The following CTNNA2 variants were observed in gnomAD, a reference collection of about 807,000 sequenced individuals.
The protein encoded by CTNNA2 is catenin alpha 2.
CTNNA2 carries 42 observed loss-of-function variants against 101.0 expected under a neutral mutation model. The ratio of observed to expected loss-of-function variants is 0.42; its 90% CI spans 0.32 to 0.54. The LOEUF (loss-of-function observed/expected upper bound fraction) is 0.54, where lower values mean the gene tolerates loss of function less well. Ranked by LOEUF, CTNNA2 falls within the 20% of genes least tolerant of loss-of-function variation. The pLI is 0.14. For missense variants in CTNNA2, 871 were observed against 1,223.1 expected (o/e 0.71, Z 4.29); for synonymous variants, 450 against 456.4 (o/e 0.99, Z 0.18).
chr2:80,081,241 C>T (rs1368143225), intron 7 of CTNNA2, among the ~76,000 whole-genome samples: 3 of 152,066 alleles, frequency 2.0e-5, no homozygotes, highest in Non-Finnish European at 4.4e-5. Context: ...TTGGTGTTTT[C>T]GCTTAGAGAT....
chr2:79,217,451 G>T (rs1674281174), intron 2 of CTNNA2, among the ~76,000 whole-genome samples: 1 of 152,046 alleles, frequency 6.6e-6, no homozygotes, highest in Non-Finnish European at 1.5e-5. Flanking sequence ...ATAAGATTTG[G>T]GTAGGTAAAG....
chr2:79,843,781 T>C (rs1679998657), intron 3 of CTNNA2, among the ~76,000 whole-genome samples: 1 of 152,166 alleles, frequency 6.6e-6, no homozygotes, highest in Admixed American at 6.6e-5. Context: ...CTTACCACGA[T>C]GAAACACCCT....
At chr2:79,302,199 T>A (rs1008655409) in intron 2 of CTNNA2, among the ~76,000 whole-genome samples, 2 of 152,170 alleles carry the variant, frequency 1.3e-5, no homozygotes, top group African/African-American at 4.8e-5. Flanking sequence ...AAACTCTACA[T>A]CTCTGAGAGT....
intron 7 of CTNNA2, among the ~76,000 whole-genome samples, chr2:80,379,961 G>C (rs942338721): frequency 2.6e-5 from 4 of 151,574 alleles, no homozygotes; most frequent in African/African-American, 9.7e-5. Flanking sequence ...AGCACCCTGA[G>C]GACCTAAGTT....
At chr2:80,372,264 A>G (rs921529993) in intron 7 of CTNNA2, among the ~76,000 whole-genome samples, 23 of 100,888 alleles carry the variant, frequency 2.3e-4, no homozygotes, top group Admixed American at 6.8e-4. Context: ...CCTCTCCACT[A>G]TAACCTTTAC....
At position 79,702,673 on chromosome 2, in the gene CTNNA2, C is replaced by T. The variant is rs921989921; in HGVS notation, c.103-41714C>T. 3.3e-5 allele frequency among the ~76,000 whole-genome samples: 5 copies of T among 152,216 alleles called. No individual in the cohort carries two copies. The East Asian group carries it at 5.8e-4, about 18-fold the overall frequency. On this transcript the variant is annotated intron_variant, in intron 2 of 18. Coordinates refer to ENST00000402739, the MANE Select transcript of CTNNA2 (RefSeq NM_001282597.3). ...TTTCTTGTACTAGGTTCCTGGGAAC[C>T]GCTTTTACCTACAATGATTTTGTTG... is the stretch of plus-strand genomic sequence containing the variant.
intron 2 of CTNNA2, among the ~76,000 whole-genome samples, chr2:79,683,190 C>T (rs1164742607): frequency 6.6e-6 from 1 of 152,184 alleles, no homozygotes; most frequent in Non-Finnish European, 1.5e-5. Context: ...TCCCCTACCC[C>T]TACATGCCAG....
At chr2:79,210,492 G>C (rs1674157902) in intron 2 of CTNNA2, among the ~76,000 whole-genome samples, 1 of 152,104 alleles carries the variant, frequency 6.6e-6, no homozygotes, top group Admixed American at 6.5e-5. Flanking sequence ...CAGTGTGTGT[G>C]AGAGAGGTGA....
chr2:79,261,123 C>A (rs1360333576), intron 2 of CTNNA2, among the ~76,000 whole-genome samples: 1 of 152,074 alleles, frequency 6.6e-6, no homozygotes, highest in African/African-American at 2.4e-5. Flanking sequence ...TGCTCTATCT[C>A]CCAATATCAG....
intron 1 of CTNNA2, among the ~76,000 whole-genome samples, chr2:79,604,529 A>C (rs1188508643): frequency 1.3e-5 from 2 of 152,184 alleles, no homozygotes; most frequent in Non-Finnish European, 2.9e-5. Flanking sequence ...TCAGGACAGA[A>C]TACTGAAGAG....
chr2:79,737,699 T>C (rs1333731255), intron 2 of CTNNA2, among the ~76,000 whole-genome samples: 1 of 152,218 alleles, frequency 6.6e-6, no homozygotes, highest in South Asian at 2.1e-4. Context: ...ATAACACTGA[T>C]GCTCTCCATA....
In CTNNA2 at chr2:79,916,812, C is replaced by T. The variant is rs191300601; in HGVS notation, c.1056+7015C>T. Among the ~76,000 whole-genome samples, 897 of 151,730 alleles carry T rather than the reference C, an allele frequency of 5.9e-3. 2 individuals are homozygous for T. The highest frequency in any genetic ancestry group is 8.0e-3 in the Non-Finnish European group (542 of 67,862). On this transcript the variant is annotated intron_variant, in intron 7 of 18. Transcript: ENST00000402739. ...TAATTTTTTGAATTCTTAGTAGAGACGGGGTTTCACCCGTGTTAGCGAGGA... is the reference window on the plus strand; with the variant it reads ...TAATTTTTTGAATTCTTAGTAGAGATGGGGTTTCACCCGTGTTAGCGAGGA...
chr2:80,604,038 A>T (rs1243970785), intron 15 of CTNNA2, 36 bp from the exon 16 acceptor site: 1 of 1,572,306 alleles, frequency 6.4e-7, no homozygotes, highest in Non-Finnish European at 8.7e-7. Flanking sequence ...CCCGTCATTA[A>T]GTGGATTTCT....
intron 4 of CTNNA2, among the ~76,000 whole-genome samples, chr2:79,450,262 G>T (rs1485997196): frequency 1.3e-5 from 2 of 151,830 alleles, no homozygotes; most frequent in Non-Finnish European, 2.9e-5. Context: ...GTTAAAGAAG[G>T]GAATGAATGT....
At chr2:79,260,221 T>A (rs1674902305) in intron 2 of CTNNA2, among the ~76,000 whole-genome samples, 1 of 152,114 alleles carries the variant, frequency 6.6e-6, no homozygotes, top group African/African-American at 2.4e-5. Flanking sequence ...CCTTGCCTCA[T>A]TACTATCAGC....
intron 3 of CTNNA2, among the ~76,000 whole-genome samples, chr2:79,847,768 A>G (rs1218505079): frequency 6.6e-6 from 1 of 152,114 alleles, no homozygotes; most frequent in African/African-American, 2.4e-5. Flanking sequence ...GCATGAGGAA[A>G]TCAAGATGTC....
chr2:79,326,532 C>A (rs1324765260), intron 3 of CTNNA2, among the ~76,000 whole-genome samples: 3 of 152,034 alleles, frequency 2.0e-5, no homozygotes, highest in African/African-American at 7.3e-5. Context: ...ATTTCAGGAG[C>A]CCCTTAAATA....
chr2:80,196,146 C>T (rs1052011524), intron 7 of CTNNA2, among the ~76,000 whole-genome samples: 10 of 152,028 alleles, frequency 6.6e-5, no homozygotes, highest in African/African-American at 2.4e-4. Flanking sequence ...ATAGATTTTT[C>T]TTACTGGGAG....
At chr2:79,467,525 A>C (rs1670952237) in intron 4 of CTNNA2, among the ~76,000 whole-genome samples, 1 of 152,134 alleles carries the variant, frequency 6.6e-6, no homozygotes, top group Admixed American at 6.6e-5. Flanking sequence ...AAATACAGAG[A>C]ATGCCACAAA....
Sources: allele counts gnomAD v4.1 joint callset (sites outside exome capture counted in the v4.1 genomes callset), GRCh38; gene constraint gnomAD v4.1.1; transcripts MANE v1.5; gene names NCBI Gene and HGNC (gene_info 2026-07-23, HGNC 2026-07-21).